The following SMARCA4 variants were observed in gnomAD, a reference collection of about 807,000 sequenced individuals.
The protein encoded by SMARCA4 is SWI/SNF related BAF chromatin remodeling complex subunit ATPase 4, also known as SWI/SNF-related matrix-associated actin-dependent regulator of chromatin subfamily A member 4.
A neutral mutation model predicts 193.9 loss-of-function variants in SMARCA4; 31 were observed. The ratio of observed to expected loss-of-function variants is 0.16; its 90% CI spans 0.12 to 0.22. The LOEUF is 0.22. SMARCA4 is among the 10% of genes least tolerant of loss of function. SMARCA4 has a pLI of 1.00. For synonymous variants in SMARCA4, 942 were observed against 933.1 expected, an observed-to-expected ratio of 1.01 and a Z score of -0.17; for missense variants, 1,148 against 2,296.0, an observed-to-expected ratio of 0.50 and a Z score of 10.22.
chr19:11,007,982 C>G lies in SMARCA4; in HGVS notation c.2082C>G (p.Asp694Glu), dbSNP rs373420556. The part of the protein sequence containing the change: ...VEEKKKIPDP[D>E]SDDVSEVDAR... ...AGAAGAAGAAGATTCCAGATCCAGA[C>G]AGCGATGACGTCTCTGAGGTGGACG... The change falls in exon 14 of 35, where the codon GAC (aspartate) becomes GAG (glutamate). Residue 694 changes from aspartate to glutamate, a missense_variant. Around this residue, in one of 17 missense-constraint regions of SMARCA4, gnomAD observed 115 missense variants for 175.1 expected, o/e 0.66. Transcript: ENST00000344626. The G allele has an allele frequency of 6.2e-7, 1 of 1,613,766 alleles. No individual in the cohort carries two copies. Among genetic ancestry groups the G allele is most frequent in the East Asian group, 2.2e-5 (1 of 44,868 alleles).
chr19:11,016,443 A>G (rs947557711), intron 16 of SMARCA4, among the ~76,000 whole-genome samples: 1 of 152,164 alleles, frequency 6.6e-6, no homozygotes, highest in African/African-American at 2.4e-5. Flanking sequence ...TGCCAAATAC[A>G]TGGTTACCTG....
At position 11,047,954 on chromosome 19, in the gene SMARCA4, C is replaced by CT. The variant is rs961249025; in HGVS notation, c.4424+6400dup. Among the ~76,000 whole-genome samples the CT allele has an allele frequency of 2.0e-3, 307 of 152,242 alleles. 1 individual carries two copies. The highest frequency in any genetic ancestry group is 7.2e-3 in the African/African-American group (299 of 41,554). ...ACCTCATTTGGGGCGAAGTTACATT[C>CT]TTTTTTATTATTATTATTATTTGCC... On this transcript the variant is annotated intron_variant, in intron 30 of 34. Coordinates refer to ENST00000344626, the MANE Select transcript of SMARCA4 (RefSeq NM_003072.5).
At chr19:10,996,570 A>C in intron 11 of SMARCA4, 26 bp downstream of exon 11, 1 of 1,609,232 alleles carries the variant, frequency 6.2e-7, no homozygotes, top group Non-Finnish European at 8.5e-7. Context: ...TTCTTGTGGA[A>C]GTATCAAGCT....
chr19:10,986,958 A>C lies in SMARCA4; in HGVS notation c.814A>C (p.Met272Leu), dbSNP rs1432832082. Residue 272 changes from methionine (M) to leucine (L), a missense_variant, in exon 5 of 35, where the codon ATG becomes CTG. By Grantham distance (15) the Met-to-Leu change is conservative. This residue lies in a region of SMARCA4 where 257 missense variants were observed against 276.5 expected (regional missense o/e 0.93). Coordinates refer to ENST00000344626, the MANE Select transcript of SMARCA4 (RefSeq NM_003072.5). The surrounding 1 kb of genome is among the most constrained non-coding windows in gnomAD (Gnocchi z 6.7). ...PPGPSGVPPG[M>L]PGQPPGGPPK... ...AGGACCCTCGGGCGTGCCCCCCGGGATGCCAGGCCAGCCTCCTGGAGGGCC... is the reference window on the plus strand; with the variant it reads ...AGGACCCTCGGGCGTGCCCCCCGGGCTGCCAGGCCAGCCTCCTGGAGGGCC... The C allele has an allele frequency of 6.2e-7, 1 of 1,610,182 alleles. No homozygotes were observed. Among genetic ancestry groups the C allele is most frequent in the Non-Finnish European group, 8.5e-7 (1 of 1,179,926 alleles).
In SMARCA4 at chr19:10,978,426, C is replaced by T. The variant is rs138645225; in HGVS notation, c.-31-5695C>T. Reference sequence around the variant, plus strand: ...CGGCTTCACTGCAACTTCCACCTACCGGGTTCAAGTGATTCTCCTGCCTCA... The same window carrying T: ...CGGCTTCACTGCAACTTCCACCTACTGGGTTCAAGTGATTCTCCTGCCTCA... On this transcript the variant is annotated intron_variant, in intron 1 of 34. Transcript: ENST00000344626. Among the ~76,000 whole-genome samples, 515 of 152,164 alleles carry T rather than the reference C, an allele frequency of 3.4e-3. 1 individual carries two copies. Among genetic ancestry groups the T allele is most frequent in the African/African-American group, 0.012 (499 of 41,538 alleles).
intron 25 of SMARCA4, chr19:11,032,514 A>C (rs913702359): frequency 1.3e-5 from 2 of 152,082 alleles, no homozygotes; most frequent in African/African-American, 4.8e-5. Flanking sequence ...AAAAATACAA[A>C]AATTAGCCAG....
chr19:11,058,855 A>G lies in SMARCA4; in HGVS notation c.4601A>G (p.Gln1534Arg). The stretch of plus-strand genomic sequence containing the variant: ...GAGAAGGACGTCATGCTCCTGTGCC[A>G]GAACGCACAGACCTTCAACCTGGAG... ...DLEKDVMLLC[Q>R]NAQTFNLEGS... is the part of the protein sequence containing the mutation. Residue 1534 changes from glutamine to arginine, a missense_variant, in exon 32 of 35, where the codon CAG (glutamine) becomes CGG (arginine). Transcript: ENST00000344626. This position sits in a 1 kb window ranked among gnomAD's most constrained non-coding sequence, Gnocchi z 5.8. 6.2e-7 allele frequency: 1 copy of G among 1,614,120 alleles called. No individual in the cohort carries two copies. Among genetic ancestry groups the G allele is most frequent in the Non-Finnish European group, 8.5e-7 (1 of 1,180,006 alleles).
At chr19:10,969,499 C>T (rs972257717) in intron 1 of SMARCA4, among the ~76,000 whole-genome samples, 10 of 151,852 alleles carry the variant, frequency 6.6e-5, no homozygotes, top group African/African-American at 2.2e-4. Flanking sequence ...GGCGGGGTCT[C>T]GGCTCACTGA....
chr19:11,001,379 G>A (rs1291246245), intron 11 of SMARCA4, among the ~76,000 whole-genome samples: 2 of 152,136 alleles, frequency 1.3e-5, no homozygotes, highest in Non-Finnish European at 2.9e-5. Flanking sequence ...AGAGGTAGGC[G>A]GATCACTTGA....
At position 10,994,821 on chromosome 19, in the gene SMARCA4, C is replaced by T. The variant is rs878854201; in HGVS notation, c.1420-7C>T. On this transcript the variant is annotated splice_polypyrimidine_tract_variant and splice_region_variant and intron_variant, in intron 8 of 34. Coordinates refer to ENST00000344626, the MANE Select transcript of SMARCA4 (RefSeq NM_003072.5). ...GGGTCAGCCTTCTCTTTTGTGCTTT[C>T]CTGCAGGAATACCTCAATAGCATTC... is the stretch of plus-strand genomic sequence containing the variant. 3.2e-5 allele frequency: 51 copies of T among 1,613,534 alleles called. No individual in the cohort carries two copies. Among genetic ancestry groups the T allele is most frequent in the Non-Finnish European group, 3.6e-5 (42 of 1,179,644 alleles).
intron 1 of SMARCA4, among the ~76,000 whole-genome samples, chr19:10,976,986 G>A (rs113103057): frequency 6.6e-6 from 1 of 152,118 alleles, no homozygotes; most frequent in Non-Finnish European, 1.5e-5. Flanking sequence ...GAACCTAGGA[G>A]GCGGAGGTTG....
chr19:11,038,905 G>T (rs993475709), intron 29 of SMARCA4, among the ~76,000 whole-genome samples: 1 of 152,182 alleles, frequency 6.6e-6, no homozygotes, highest in Non-Finnish European at 1.5e-5. Flanking sequence ...TGTCAATAGC[G>T]TTATTTAAAA....
chr19:11,010,081 C>A (rs1000396536), intron 14 of SMARCA4, among the ~76,000 whole-genome samples: 2 of 152,316 alleles, frequency 1.3e-5, no homozygotes, highest in South Asian at 4.1e-4. Flanking sequence ...CTGCTTCAGC[C>A]TCCCAAAGTG....
At chr19:11,055,923 G>A (rs982851713) in intron 30 of SMARCA4, among the ~76,000 whole-genome samples, 5 of 151,776 alleles carry the variant, frequency 3.3e-5, no homozygotes, top group Non-Finnish European at 7.4e-5. Flanking sequence ...ATGGCAAAGC[G>A]CGCTGCTTTT....
At chr19:11,053,329 C>T (rs926624242) in intron 30 of SMARCA4, among the ~76,000 whole-genome samples, 1 of 151,658 alleles carries the variant, frequency 6.6e-6, no homozygotes, top group Non-Finnish European at 1.5e-5. Context: ...ACTCAAAATA[C>T]GTAAGTTAGC....
In SMARCA4 at chr19:11,030,623, T is replaced by C; in HGVS notation, c.3383-107T>C. ...TGCGGAGCCAGGGATCTGGGGATGC[T>C]GGCAGGTGCTGATCCTGCTCCTGCT... On this transcript the variant is annotated intron_variant, in intron 24 of 34. Coordinates refer to ENST00000344626, the MANE Select transcript of SMARCA4 (RefSeq NM_003072.5). This position sits in a 1 kb window ranked among gnomAD's most constrained non-coding sequence, Gnocchi z 5.5. 1.0e-6 allele frequency: 1 copy of C among 1,003,162 alleles called. No homozygotes were observed. The highest frequency in any genetic ancestry group is 1.5e-6 in the Non-Finnish European group (1 of 659,856). The allele number at this position is 1,003,162 out of a possible 1,614,324, so 62.1% of individuals were successfully genotyped here. A position where few individuals can be genotyped will look rare whatever the true frequency, so the allele number is the denominator to read the frequency against.
At chr19:11,057,462 G>A (rs2076608942) in intron 30 of SMARCA4, among the ~76,000 whole-genome samples, 1 of 152,228 alleles carries the variant, frequency 6.6e-6, no homozygotes, top group Non-Finnish European at 1.5e-5. Flanking sequence ...CGGCTGCAGT[G>A]GCTTCTGCCT....
chr19:10,994,804 C>T, intron 8 of SMARCA4, 24 bp from the exon 9 acceptor site: 1 of 1,610,920 alleles, frequency 6.2e-7, no homozygotes, highest in South Asian at 1.1e-5. Flanking sequence ...AAGGGTCAGC[C>T]TTCTCTTTTG....
intron 1 of SMARCA4, among the ~76,000 whole-genome samples, chr19:10,966,614 C>T (rs903601869): frequency 8.9e-5 from 12 of 134,670 alleles, no homozygotes; most frequent in Non-Finnish European, 1.6e-4. Context: ...GGGCTGGGCG[C>T]GGTGGCTCAT....
Sources: gnomAD v4.1 joint callset for allele counts (sites outside exome capture counted in the v4.1 genomes callset) on GRCh38, gnomAD v4.1.1 for gene constraint, gnomAD v4.1.1 regional missense constraint, Gnocchi (gnomAD v3.1) non-coding constraint, MANE v1.5 for transcripts, NCBI Gene and HGNC (gene_info 2026-07-23, HGNC 2026-07-21) for gene names.